Variants in DAB2IP observed in about 807,000 individuals in gnomAD.
DAB2IP encodes DAB2 interacting protein, also known as disabled homolog 2-interacting protein.
DAB2IP carries 28 observed loss-of-function variants against 107.2 expected under a neutral mutation model. That is an observed-to-expected ratio of 0.26 (90% CI 0.19 to 0.36). The LOEUF (loss-of-function observed/expected upper bound fraction) is 0.36, where lower values mean the gene tolerates loss of function less well. Ranked by LOEUF, DAB2IP falls within the 10% of genes least tolerant of loss-of-function variation. The pLI, the probability that DAB2IP is intolerant of heterozygous loss-of-function variation, is 1.00. For synonymous variants in DAB2IP, 755 were observed against 706.4 expected (o/e 1.07, Z -1.09); for missense variants, 1,400 against 1,644.7 (o/e 0.85, Z 2.57).
At chr9:121,783,628 T>C (rs1835813069) in exon 16 of DAB2IP, 24 of 1,551,130 alleles carry the variant, frequency 1.5e-5, no homozygotes, top group Non-Finnish European at 2.1e-5. Flanking sequence ...ATAGCGGCCC[T>C]GGAGGATGTT....
intron 2 of DAB2IP, among the ~76,000 whole-genome samples, chr9:121,688,258 C>T (rs143017150): frequency 3.3e-5 from 5 of 152,316 alleles, no homozygotes; most frequent in South Asian, 2.1e-4. Flanking sequence ...AGTTGTCAAG[C>T]GGCAATTGTT....
At chr9:121,621,583 C>T (rs1444733851) in intron 1 of DAB2IP, among the ~76,000 whole-genome samples, 8 of 152,020 alleles carry the variant, frequency 5.3e-5, no homozygotes, top group African/African-American at 1.9e-4. Flanking sequence ...CTCGTGCAGT[C>T]CAGTCCCCTG....
At chr9:121,689,780 CA>C (rs1030132803) in intron 2 of DAB2IP, among the ~76,000 whole-genome samples, 1 of 152,238 alleles carries the variant, frequency 6.6e-6, no homozygotes, top group African/African-American at 2.4e-5. Context: ...TTGTCACCTG[CA>C]AATGGGTCAC....
chr9:121,584,829 G>GCCATTCAAAA (rs1830277998), intron 1 of DAB2IP, among the ~76,000 whole-genome samples: 1 of 152,214 alleles, frequency 6.6e-6, no homozygotes, highest in African/African-American at 2.4e-5. Flanking sequence ...TGCTGCCAAA[G>GCCATTCAAAA]CCATTCAAAA....
chr9:121,582,819 T>G (rs1054714353), intron 1 of DAB2IP, among the ~76,000 whole-genome samples: 3 of 152,226 alleles, frequency 2.0e-5, no homozygotes, highest in Non-Finnish European at 4.4e-5. Flanking sequence ...ACTCACATGC[T>G]AGTGCCCTTT....
At chr9:121,577,380 C>T (rs545007230) in intron 1 of DAB2IP, among the ~76,000 whole-genome samples, 6 of 152,322 alleles carry the variant, frequency 3.9e-5, no homozygotes, top group African/African-American at 7.2e-5. Context: ...GCGTTCCAGC[C>T]GGTGACCTAC....
chr9:121,744,300 G>A (rs534328012), intron 3 of DAB2IP, among the ~76,000 whole-genome samples: 11 of 152,344 alleles, frequency 7.2e-5, no homozygotes, highest in Admixed American at 2.6e-4. Context: ...GGAAGACTGT[G>A]TCTGGGCCAG....
intron 1 of DAB2IP, among the ~76,000 whole-genome samples, chr9:121,659,319 G>C (rs1247660222): frequency 6.6e-6 from 1 of 152,150 alleles, no homozygotes; most frequent in Non-Finnish European, 1.5e-5. Flanking sequence ...TCTATTCTGG[G>C]GACACAGAGT....
chr9:121,772,625 G>A lies in DAB2IP; in HGVS notation c.2097G>A (p.Arg699=). 2 of 1,613,502 alleles carry A rather than the reference G, an allele frequency of 1.2e-6. No homozygotes were observed. The highest frequency in any genetic ancestry group is 1.7e-6 in the Non-Finnish European group (2 of 1,179,650). ...CCTGCAGTCTGATAGATTTCACCCG[G>A]TTACCGTCTCCAACCCCCGAAAACA... Residue 699 remains arginine (R), a synonymous_variant, in exon 12 of 16, where the codon CGG becomes CGA. Coordinates refer to ENST00000408936, the Ensembl canonical transcript of DAB2IP. This position sits in a 1 kb window ranked among gnomAD's most constrained non-coding sequence, Gnocchi z 4.7.
At chr9:121,711,145 G>A (rs1830318548) in intron 3 of DAB2IP, among the ~76,000 whole-genome samples, 1 of 152,176 alleles carries the variant, frequency 6.6e-6, no homozygotes, top group Admixed American at 6.5e-5. Context: ...GTTGTCTTTC[G>A]TACCTCTGCT....
intron 1 of DAB2IP, among the ~76,000 whole-genome samples, chr9:121,608,157 G>A (rs1208411177): frequency 4.6e-5 from 7 of 152,340 alleles, no homozygotes; most frequent in African/African-American, 1.2e-4. Flanking sequence ...CACACTTGAC[G>A]CTGTGCAGAG....
chr9:121,783,717 GC>G (rs1170353527), exon 16 of DAB2IP: 59 of 915,946 alleles, frequency 6.4e-5, no homozygotes, highest in Non-Finnish European at 9.5e-5. Context: ...ACCCTTCCCG[GC>G]CCCCGGCCAA....
intron 3 of DAB2IP, among the ~76,000 whole-genome samples, chr9:121,756,047 G>T (rs1043027978): frequency 7.9e-5 from 12 of 152,278 alleles, no homozygotes; most frequent in Non-Finnish European, 1.6e-4. Flanking sequence ...CACAAGCAGG[G>T]CTCAGCTTCT....
At chr9:121,753,673 G>A (rs1431799286) in intron 3 of DAB2IP, among the ~76,000 whole-genome samples, 1 of 152,190 alleles carries the variant, frequency 6.6e-6, no homozygotes, top group Non-Finnish European at 1.5e-5. Context: ...TGGCAGGGCT[G>A]TGTGCTGTTG....
rs370436643 is a variant in DAB2IP, at chr9:121,584,271, A to G, written c.40+17043A>G. Among the ~76,000 whole-genome samples, 5 of 152,182 alleles carry G rather than the reference A, an allele frequency of 3.3e-5. No homozygotes were observed. In the East Asian group the frequency reaches 5.8e-4, roughly 18 times the overall value. ...AATAATAATCATAATAATAATACAA[A>G]TGTTGGGCTTGCCTGAAAATTTTCA... On this transcript the variant is annotated intron_variant, in intron 1 of 16. Coordinates refer to the DAB2IP transcript ENST00000259371.
chr9:121,766,826 C>A, intron 9 of DAB2IP, 96 bp downstream of exon 9: 3 of 1,242,560 alleles, frequency 2.4e-6, no homozygotes, highest in Non-Finnish European at 3.4e-6. Context: ...GAGCAGAGAC[C>A]ATAAACAGGC....
At chr9:121,732,848 T>C (rs7019170) in intron 3 of DAB2IP, among the ~76,000 whole-genome samples, 1,554 of 152,254 alleles carry the variant, frequency 0.01, 18 homozygotes, top group African/African-American at 0.035. Context: ...TATGGCTCTT[T>C]GGAGAATTAA....
At position 121,760,233 on chromosome 9, in the gene DAB2IP, A is replaced by G. The variant is rs757755626; in HGVS notation, c.964A>G (p.Lys322Glu). The change falls in exon 6 of 16, where the codon AAG becomes GAG. Residue 322 changes from lysine to glutamate, a missense_variant. By Grantham distance (56) the Lys-to-Glu change is moderately conservative. Around this residue, in one of 3 missense-constraint regions of DAB2IP, gnomAD observed 517 missense variants for 748.6 expected, o/e 0.69. Coordinates refer to ENST00000408936, the Ensembl canonical transcript of DAB2IP. This position sits in a 1 kb window ranked among gnomAD's most constrained non-coding sequence, Gnocchi z 5.9. The stretch of plus-strand genomic sequence containing the variant: ...GGTGACGCCCAACCCCAAGGGCGGC[A>G]AGGGCCCTGGACCCATGATCCGCAT... The G allele has an allele frequency of 2.5e-6, 4 of 1,613,584 alleles. No individual in the cohort carries two copies. In the African/African-American group the frequency reaches 5.3e-5, roughly 22 times the overall value.
At chr9:121,593,324 A>T (rs1830454105) in intron 1 of DAB2IP, among the ~76,000 whole-genome samples, 1 of 151,988 alleles carries the variant, frequency 6.6e-6, no homozygotes, top group Non-Finnish European at 1.5e-5. Flanking sequence ...CTAGAGTGCA[A>T]TGGCGTGGAC....
Sources: gnomAD v4.1 joint callset for allele counts (sites outside exome capture counted in the v4.1 genomes callset) on GRCh38, gnomAD v4.1.1 for gene constraint, gnomAD v4.1.1 regional missense constraint, Gnocchi (gnomAD v3.1) non-coding constraint, MANE v1.5 for transcripts, NCBI Gene and HGNC (gene_info 2026-07-23, HGNC 2026-07-21) for gene names.